The following WARS2 variants were observed in gnomAD, a reference collection of about 807,000 sequenced individuals.
The protein encoded by WARS2 is tryptophanyl tRNA synthetase 2, mitochondrial.
Under a neutral mutation model 36.5 loss-of-function variants are expected in WARS2, and 28 were observed. The ratio of observed to expected loss-of-function variants is 0.77; its 90% CI spans 0.57 to 1.05. The LOEUF is 1.05. Among genes scored for constraint, WARS2 ranks in the 50% least tolerant of loss-of-function variants. The pLI, the probability that WARS2 is intolerant of heterozygous loss-of-function variation, is 0.00. For synonymous variants in WARS2, 174 were observed against 178.4 expected (o/e 0.98, Z 0.20); for missense variants, 435 against 456.8 (o/e 0.95, Z 0.44).
intron 1 of WARS2, among the ~76,000 whole-genome samples, chr1:119,130,810 T>C (rs931971169): frequency 1.3e-5 from 2 of 152,194 alleles, no homozygotes; most frequent in African/African-American, 4.8e-5. Flanking sequence ...TTTATTATAA[T>C]AACTCATTTT....
chr1:119,133,712 C>G (rs941346141), intron 1 of WARS2, among the ~76,000 whole-genome samples: 1 of 152,170 alleles, frequency 6.6e-6, no homozygotes, highest in Non-Finnish European at 1.5e-5. Context: ...TATCATGGTA[C>G]TATCAGACCA....
intron 1 of WARS2, among the ~76,000 whole-genome samples, chr1:119,105,673 A>G (rs1394211492): frequency 6.6e-6 from 1 of 152,202 alleles, no homozygotes; most frequent in Non-Finnish European, 1.5e-5. Context: ...GCACTTTGGG[A>G]GGCCTAGGTG....
rs940304642 is a variant in WARS2 at position 119,126,477 on chromosome 1, CTA to C, written c.90+14076_90+14077del. The C allele has an allele frequency of 4.6e-5, 17 of 368,802 alleles. No homozygotes were observed. The African/African-American group carries it at 5.6e-4, about 12-fold the overall frequency. The allele number at this position is 368,802 out of a possible 1,614,324, so 22.8% of individuals were successfully genotyped here. A position where few individuals can be genotyped will look rare whatever the true frequency, so the allele number is the denominator to read the frequency against. ...TCATGGTAACACTCTGAGGTAGATA[CTA>C]TTTTTTTTTTTTTTTTCACAAATAG... On this transcript the variant is annotated intron_variant, in intron 1 of 5. Transcript: ENST00000235521.
At chr1:119,035,358 C>G (rs979919024) in intron 4 of WARS2, among the ~76,000 whole-genome samples, 1 of 152,084 alleles carries the variant, frequency 6.6e-6, no homozygotes, top group Non-Finnish European at 1.5e-5. Flanking sequence ...AGCGAGCCAT[C>G]ATAGGCAAGT....
chr1:119,092,703 A>G (rs1653129062), intron 1 of WARS2, among the ~76,000 whole-genome samples: 3 of 152,214 alleles, frequency 2.0e-5, no homozygotes, highest in African/African-American at 4.8e-5. Context: ...TTTGTGCCTC[A>G]GTTTCATCAC....
rs759941364 is a variant in WARS2, at chr1:119,127,071, A to C, written c.90+13484T>G. On this transcript the variant is annotated intron_variant, in intron 1 of 5. Transcript: ENST00000235521. ...TCTAAATGCAACTTCATCATTCTGCAAATCAGTAAGACTCACTTCAAGCAC... is the reference window on the plus strand; with the variant it reads ...TCTAAATGCAACTTCATCATTCTGCCAATCAGTAAGACTCACTTCAAGCAC... 4.7e-4 allele frequency: 359 copies of C among 762,400 alleles called. 1 individual carries two copies. The highest frequency in any genetic ancestry group is 7.1e-4 in the Non-Finnish European group (302 of 423,094). The allele number at this position is 762,400 out of a possible 1,614,324, so 47.2% of individuals were successfully genotyped here. A position where few individuals can be genotyped will look rare whatever the true frequency, so the allele number is the denominator to read the frequency against.
chr1:119,050,577 A>G (rs2101151528), intron 2 of WARS2, among the ~76,000 whole-genome samples: 1 of 152,314 alleles, frequency 6.6e-6, no homozygotes, highest in South Asian at 2.1e-4. Context: ...TTAGACATTT[A>G]TAGACAATGT....
chr1:119,137,780 A>G (rs2101587330), intron 1 of WARS2, among the ~76,000 whole-genome samples: 1 of 152,290 alleles, frequency 6.6e-6, no homozygotes, highest in East Asian at 1.9e-4. Context: ...ACATCCCATA[A>G]TGAGTATGGA....
intron 1 of WARS2, among the ~76,000 whole-genome samples, chr1:119,106,115 G>A (rs1654220708): frequency 6.6e-6 from 1 of 152,156 alleles, no homozygotes. Flanking sequence ...GTTTTAGAAG[G>A]TCAGAAGTAG....
At chr1:119,130,015 C>T (rs1168937806) in intron 1 of WARS2, among the ~76,000 whole-genome samples, 3 of 152,060 alleles carry the variant, frequency 2.0e-5, no homozygotes, top group Admixed American at 6.5e-5. Flanking sequence ...CTGTCTACAT[C>T]GTGTAACGGT....
chr1:119,066,205 C>G (rs139773995), intron 2 of WARS2, among the ~76,000 whole-genome samples: 8 of 152,024 alleles, frequency 5.3e-5, no homozygotes, highest in East Asian at 1.9e-4. Context: ...AGGCTGGGTG[C>G]GGTGGCTCAC....
At chr1:119,115,555 G>C (rs1242474920) in intron 1 of WARS2, among the ~76,000 whole-genome samples, 2 of 152,128 alleles carry the variant, frequency 1.3e-5, no homozygotes, top group African/African-American at 4.8e-5. Context: ...GATGGCAAAT[G>C]GAAGAGATCA....
chr1:119,073,470 G>A (rs1415971750), intron 2 of WARS2, among the ~76,000 whole-genome samples: 2 of 152,176 alleles, frequency 1.3e-5, no homozygotes, highest in African/African-American at 4.8e-5. Context: ...ATTGTATAAT[G>A]TAGGCAAGAT....
At chr1:119,081,231 A>G (rs1282204816) in intron 1 of WARS2, among the ~76,000 whole-genome samples, 3 of 152,194 alleles carry the variant, frequency 2.0e-5, no homozygotes, top group African/African-American at 7.2e-5. Flanking sequence ...TAATTTTCTT[A>G]CTGTACTCAA....
At chr1:119,121,888 C>G (rs1045128664) in intron 1 of WARS2, among the ~76,000 whole-genome samples, 4 of 152,076 alleles carry the variant, frequency 2.6e-5, no homozygotes, top group Non-Finnish European at 5.9e-5. Flanking sequence ...ATACAAAAAT[C>G]AACTCAAGAT....
intron 1 of WARS2, among the ~76,000 whole-genome samples, chr1:119,094,400 G>T (rs186131904): frequency 2.0e-4 from 30 of 151,512 alleles, no homozygotes; most frequent in African/African-American, 7.0e-4. Context: ...GAAATCTTGA[G>T]ATTGTTTTTT....
chr1:119,061,755 T>C (rs149585295), intron 2 of WARS2, among the ~76,000 whole-genome samples: 95 of 152,190 alleles, frequency 6.2e-4, no homozygotes, highest in African/African-American at 1.8e-3. Flanking sequence ...TGGAATCTAG[T>C]AGCCAACTGA....
At chr1:119,086,102 C>A in intron 1 of WARS2, 1 of 873,910 alleles carries the variant, frequency 1.1e-6, no homozygotes, top group Non-Finnish European at 1.7e-6. Flanking sequence ...TTAAGTGATC[C>A]TCTTGCCTTG....
At chr1:119,113,441 A>G (rs1293801506) in intron 1 of WARS2, among the ~76,000 whole-genome samples, 1 of 152,224 alleles carries the variant, frequency 6.6e-6, no homozygotes, top group Non-Finnish European at 1.5e-5. Context: ...CCGTTGTAGC[A>G]GAAAGGGTTT....
Sources: gnomAD v4.1 joint callset for allele counts (sites outside exome capture counted in the v4.1 genomes callset) on GRCh38, gnomAD v4.1.1 for gene constraint, MANE v1.5 for transcripts, NCBI Gene and HGNC (gene_info 2026-07-23, HGNC 2026-07-21) for gene names.